Variants in ROBO1 observed in about 807,000 individuals in gnomAD.
The protein encoded by ROBO1 is roundabout homolog 1.
Under a neutral mutation model 195.9 loss-of-function variants are expected in ROBO1, and 149 were observed. That is an observed-to-expected ratio of 0.76 (90% CI 0.67 to 0.87). ROBO1 has a LOEUF of 0.87. ROBO1 is among the 40% of genes least tolerant of loss of function. The probability of loss-of-function intolerance (pLI) is 0.00; values close to 1 mark genes in which losing one functional copy is unlikely to be tolerated. For missense variants in ROBO1, 1,933 were observed against 2,068.3 expected (o/e 0.93, Z 1.27); for synonymous variants, 816 against 733.2 (o/e 1.11, Z -1.82).
chr3:78,598,936 G>C lies in ROBO1; in HGVS notation c.4942-9C>G. On this transcript the variant is annotated splice_polypyrimidine_tract_variant and intron_variant, in intron 30 of 30. Transcript: ENST00000464233. ...CTTCAGCTTTCAGTTTCCTGTAAGA[G>C]ATACGTTATTGTCACATTTGAAAAT... 1 of 1,551,940 alleles carries C rather than the reference G, an allele frequency of 6.4e-7. No individual in the cohort carries two copies. Among genetic ancestry groups the C allele is most frequent in the South Asian group, 1.2e-5 (1 of 83,346 alleles).
At chr3:79,138,184 A>G (rs1459349367) in intron 2 of ROBO1, among the ~76,000 whole-genome samples, 1 of 152,060 alleles carries the variant, frequency 6.6e-6, no homozygotes, top group African/African-American at 2.4e-5. Flanking sequence ...AACAACAAAG[A>G]TGAATCTTTT....
intron 3 of ROBO1, among the ~76,000 whole-genome samples, chr3:79,063,842 A>AT (rs1402734156): frequency 1.3e-5 from 2 of 151,976 alleles, no homozygotes; most frequent in African/African-American, 4.8e-5. Context: ...TAAGGCACAA[A>AT]AAGACAGACA....
At chr3:78,651,454 A>G (rs1706653946) in intron 19 of ROBO1, among the ~76,000 whole-genome samples, 1 of 152,166 alleles carries the variant, frequency 6.6e-6, no homozygotes, top group Non-Finnish European at 1.5e-5. Context: ...TCCCTAAGAG[A>G]AAAGGGAAAA....
chr3:79,031,942 A>T (rs1321185223), intron 3 of ROBO1, among the ~76,000 whole-genome samples: 1 of 152,156 alleles, frequency 6.6e-6, no homozygotes, highest in Non-Finnish European at 1.5e-5. Flanking sequence ...TTTGCAATTA[A>T]TATAGTATTT....
intron 2 of ROBO1, among the ~76,000 whole-genome samples, chr3:79,551,808 C>T (rs1038402493): frequency 6.6e-6 from 1 of 151,658 alleles, no homozygotes; most frequent in Non-Finnish European, 1.5e-5. Context: ...AAAGGATGAT[C>T]TTACCAAGTC....
chr3:79,539,454 A>G (rs73851253), intron 2 of ROBO1, among the ~76,000 whole-genome samples: 4,222 of 152,234 alleles, frequency 0.028, 186 homozygotes, highest in African/African-American at 0.095. Flanking sequence ...TTATGAAATG[A>G]CTTATATAAC....
chr3:79,558,931 A>G (rs767738332), intron 2 of ROBO1, among the ~76,000 whole-genome samples: 3 of 152,202 alleles, frequency 2.0e-5, no homozygotes, highest in Non-Finnish European at 2.9e-5. Context: ...GATCATGAAT[A>G]TACCAAATAA....
Position 78,614,706 on chromosome 3 carries a change from T to C in ROBO1, c.4377A>G (p.Arg1459=). Residue 1459 remains arginine (R), a synonymous_variant, in exon 28 of 31, where the codon AGA becomes AGG. Coordinates refer to ENST00000464233, the MANE Select transcript of ROBO1 (RefSeq NM_002941.4). ...NMSAAVMQKT[R]PAKKLKHQPG... The stretch of plus-strand genomic sequence containing the variant: ...GCTGGTGTTTCAGTTTCTTGGCTGG[T>C]CTGGTTTTCTGCATTACGGCGGCAC... 1 of 1,613,134 alleles carries C rather than the reference T, an allele frequency of 6.2e-7. No homozygotes were observed. The highest frequency in any genetic ancestry group is 8.5e-7 in the Non-Finnish European group (1 of 1,179,740).
At chr3:79,397,645 C>T (rs2037203429) in intron 2 of ROBO1, among the ~76,000 whole-genome samples, 1 of 152,142 alleles carries the variant, frequency 6.6e-6, no homozygotes, top group African/African-American at 2.4e-5. Flanking sequence ...TAACTACAAC[C>T]TATGCAACCG....
intron 3 of ROBO1, among the ~76,000 whole-genome samples, chr3:79,025,093 C>CT (rs1276700096): frequency 6.6e-6 from 1 of 152,076 alleles, no homozygotes; most frequent in Non-Finnish European, 1.5e-5. Flanking sequence ...CATTTACCTG[C>CT]TTTTTTCTCA....
chr3:79,657,549 AAATT>A (rs1479648365), intron 1 of ROBO1, among the ~76,000 whole-genome samples: 2 of 152,124 alleles, frequency 1.3e-5, no homozygotes, highest in African/African-American at 2.4e-5. Context: ...AAATATATAA[AAATT>A]AATGAGATTA....
chr3:78,640,974 T>C (rs1474399322), intron 21 of ROBO1, among the ~76,000 whole-genome samples: 1 of 152,204 alleles, frequency 6.6e-6, no homozygotes, highest in Non-Finnish European at 1.5e-5. Flanking sequence ...ATGCAAATGA[T>C]GGTTGAGAAG....
chr3:78,694,183 T>A (rs1318172244), intron 8 of ROBO1, among the ~76,000 whole-genome samples: 2 of 152,188 alleles, frequency 1.3e-5, no homozygotes, highest in Admixed American at 1.3e-4. Context: ...AAATAATATA[T>A]ATTTAAAATA....
chr3:78,895,938 A>C lies in ROBO1; in HGVS notation c.499+42663T>G, dbSNP rs1576361340. ...TGTACACTTAGAAGCAATCCTCAAA[A>C]TGTCTGAGGTTGGAAGAACGGGTGT... On this transcript the variant is annotated intron_variant, in intron 4 of 30. Coordinates refer to ENST00000464233, the MANE Select transcript of ROBO1 (RefSeq NM_002941.4). Among the ~76,000 whole-genome samples, 3 of 152,230 alleles carry C rather than the reference A, an allele frequency of 2.0e-5. No individual in the cohort carries two copies. The South Asian group carries it at 6.2e-4, about 32-fold the overall frequency.
At chr3:79,253,755 T>G (rs1464315090) in intron 2 of ROBO1, among the ~76,000 whole-genome samples, 1 of 152,046 alleles carries the variant, frequency 6.6e-6, no homozygotes, top group Non-Finnish European at 1.5e-5. Flanking sequence ...AGAGAGAGAG[T>G]AGCGTGAGTA....
At chr3:79,093,174 A>C (rs2108493287) in intron 3 of ROBO1, among the ~76,000 whole-genome samples, 1 of 152,218 alleles carries the variant, frequency 6.6e-6, no homozygotes, top group African/African-American at 2.4e-5. Context: ...TCTATGCTTA[A>C]ATGTAAGAAT....
At chr3:78,949,716 G>C (rs2040665511) in intron 3 of ROBO1, among the ~76,000 whole-genome samples, 1 of 152,090 alleles carries the variant, frequency 6.6e-6, no homozygotes, top group South Asian at 2.1e-4. Flanking sequence ...CCATCAGAGT[G>C]AACAGGCAAC....
intron 4 of ROBO1, among the ~76,000 whole-genome samples, chr3:78,766,786 T>A (rs2083239529): frequency 6.6e-6 from 1 of 152,216 alleles, no homozygotes; most frequent in East Asian, 1.9e-4. Context: ...CATTAAGGTA[T>A]GTCCCTTGTA....
intron 1 of ROBO1, among the ~76,000 whole-genome samples, chr3:79,637,017 CAT>C (rs773209988): frequency 4.3e-4 from 66 of 152,150 alleles, no homozygotes; most frequent in Non-Finnish European, 6.9e-4. Flanking sequence ...TAACCCATAA[CAT>C]GTGTGGCTAT....
Sources: gnomAD v4.1 joint callset for allele counts (sites outside exome capture counted in the v4.1 genomes callset) on GRCh38, gnomAD v4.1.1 for gene constraint, MANE v1.5 for transcripts, NCBI Gene and HGNC (gene_info 2026-07-23, HGNC 2026-07-21) for gene names.